The following POFUT3 variants were observed in gnomAD, a reference collection of about 807,000 sequenced individuals.
POFUT3 encodes GDP-fucose protein O-fucosyltransferase 3.
the POFUT3 span, among the ~76,000 whole-genome samples, chr8:33,367,313 T>C: frequency 6.6e-6 from 1 of 152,224 alleles, no homozygotes; most frequent in Non-Finnish European, 1.5e-5. Flanking sequence ...AACAATAGCA[T>C]GAGCGATCTG....
the POFUT3 span, chr8:33,473,085 C>A: frequency 1.3e-5 from 2 of 152,278 alleles, no homozygotes; most frequent in African/African-American, 4.8e-5. Context: ...CAGGGTTCGT[C>A]CCGCAGAATG....
At chr8:33,334,497 TGA>T in the POFUT3 span, among the ~76,000 whole-genome samples, 1 of 152,092 alleles carries the variant, frequency 6.6e-6, no homozygotes, top group African/African-American at 2.4e-5. Flanking sequence ...GGATTAGAGG[TGA>T]GCCACAGTAC....
chr8:33,379,238 G>A, the POFUT3 span, among the ~76,000 whole-genome samples: 34 of 152,074 alleles, frequency 2.2e-4, 5 homozygotes, highest in South Asian at 4.1e-3. Flanking sequence ...AGTCTTGGTT[G>A]GTTCTTTATA....
At chr8:33,412,172 A>T in the POFUT3 span, among the ~76,000 whole-genome samples, 4 of 152,230 alleles carry the variant, frequency 2.6e-5, no homozygotes, top group Non-Finnish European at 4.4e-5. Flanking sequence ...CCTCAATGTA[A>T]GTAAAACCCA....
chr8:33,396,015 C>T, the POFUT3 span, among the ~76,000 whole-genome samples: 1 of 152,204 alleles, frequency 6.6e-6, no homozygotes, highest in Admixed American at 6.5e-5. Context: ...AGCATTAGCA[C>T]TCCTGACTGT....
At chr8:33,332,368 G>T in the POFUT3 span, among the ~76,000 whole-genome samples, 1 of 151,820 alleles carries the variant, frequency 6.6e-6, no homozygotes, top group African/African-American at 2.4e-5. Context: ...GCCTGTGCCT[G>T]TAGTCCCAGC....
At chr8:33,472,898 C>T in the POFUT3 span, among the ~76,000 whole-genome samples, 1 of 152,208 alleles carries the variant, frequency 6.6e-6, no homozygotes, top group Non-Finnish European at 1.5e-5. Context: ...CTCTTACACG[C>T]ACCCCCTGCT....
chr8:33,333,883 G>A, the POFUT3 span, among the ~76,000 whole-genome samples: 1 of 152,172 alleles, frequency 6.6e-6, no homozygotes, highest in East Asian at 1.9e-4. Flanking sequence ...AATACAGAGT[G>A]AGGAAGGGAA....
At chr8:33,453,453 C>G in the POFUT3 span, 2 of 1,613,882 alleles carry the variant, frequency 1.2e-6, no homozygotes, top group Non-Finnish European at 1.7e-6. Flanking sequence ...GTATGTCCAT[C>G]TTGCAAACTG....
chr8:33,472,025 A>T, the POFUT3 span, among the ~76,000 whole-genome samples: 1 of 152,192 alleles, frequency 6.6e-6, no homozygotes, highest in South Asian at 2.1e-4. Context: ...CCTCCATTTG[A>T]GACTACGGTA....
At chr8:33,389,397 C>T in the POFUT3 span, 1 of 1,614,188 alleles carries the variant, frequency 6.2e-7, no homozygotes, top group Admixed American at 1.7e-5. Context: ...TCCATAGAGG[C>T]TGGATTTTTC....
the POFUT3 span, among the ~76,000 whole-genome samples, chr8:33,468,334 G>A: frequency 2.0e-5 from 3 of 152,080 alleles, no homozygotes; most frequent in African/African-American, 7.2e-5. Flanking sequence ...GAGAGGCAAG[G>A]CAGAAGGCAG....
chr8:33,347,704 C>A, the POFUT3 span, among the ~76,000 whole-genome samples: 3 of 152,152 alleles, frequency 2.0e-5, no homozygotes, highest in Admixed American at 2.0e-4. Context: ...GAAAAGGATA[C>A]CACCTGACCT....
the POFUT3 span, chr8:33,361,098 G>C: frequency 6.6e-6 from 1 of 152,144 alleles, no homozygotes; most frequent in Non-Finnish European, 1.5e-5. Flanking sequence ...ATGACTGAAA[G>C]CAGCTCATAA....
At chr8:33,329,949 C>T in the POFUT3 span, among the ~76,000 whole-genome samples, 1 of 152,234 alleles carries the variant, frequency 6.6e-6, no homozygotes, top group South Asian at 2.1e-4. Context: ...AGGTCTTCTC[C>T]ACCCCAGATC....
chr8:33,312,811 T>A, the POFUT3 span, among the ~76,000 whole-genome samples: 4 of 152,150 alleles, frequency 2.6e-5, no homozygotes, highest in African/African-American at 9.7e-5. Flanking sequence ...AAGCTACCAG[T>A]CTAGAAACAG....
the POFUT3 span, among the ~76,000 whole-genome samples, chr8:33,344,206 T>TA: frequency 3.3e-5 from 5 of 152,238 alleles, no homozygotes; most frequent in African/African-American, 9.6e-5. Flanking sequence ...TTTCTCCTAT[T>TA]TAAAAAAATG....
At chr8:33,332,914 AT>A in the POFUT3 span, among the ~76,000 whole-genome samples, 1 of 152,098 alleles carries the variant, frequency 6.6e-6, no homozygotes, top group African/African-American at 2.4e-5. Context: ...TCCATCCACA[AT>A]CTGCACATAT....
chr8:33,409,312 A>G, the POFUT3 span, among the ~76,000 whole-genome samples: 1 of 152,056 alleles, frequency 6.6e-6, no homozygotes, highest in African/African-American at 2.4e-5. Flanking sequence ...CATGTTGGCC[A>G]GGCTTGTCTC....
Sources: allele counts gnomAD v4.1 joint callset (sites outside exome capture counted in the v4.1 genomes callset), GRCh38; gene constraint gnomAD v4.1.1; transcripts MANE v1.5; gene names NCBI Gene and HGNC (gene_info 2026-07-23, HGNC 2026-07-21).